Variants in PAX8 observed in about 807,000 individuals in gnomAD.
PAX8 encodes the protein paired box protein Pax-8.
PAX8 carries 15 observed loss-of-function variants against 52.4 expected under a neutral mutation model. That is an observed-to-expected ratio of 0.29 (90% CI 0.19 to 0.44). The LOEUF is 0.44. PAX8 is among the 20% of genes least tolerant of loss of function. The pLI is 1.00. For missense variants in PAX8, 554 were observed against 602.5 expected, an observed-to-expected ratio of 0.92 and a Z score of 0.84; for synonymous variants, 284 against 249.7, an observed-to-expected ratio of 1.14 and a Z score of -1.29.
chr2:113,217,756 G>A lies in PAX8; in HGVS notation c.*777C>T, dbSNP rs1573393028. The A allele has an allele frequency of 1.7e-5, 4 of 232,810 alleles. No individual in the cohort carries two copies. Among genetic ancestry groups the A allele is most frequent in the East Asian group, 6.0e-5 (1 of 16,546 alleles). The allele number at this position is 232,810 out of a possible 1,614,324, so 14.4% of individuals were successfully genotyped here. ...GCACACCACACCTCACCTCCCAGGG[G>A]CCCAGGCCCTGTGGAATGTCTGTTT... On this transcript the variant is annotated 3_prime_UTR_variant, in exon 12 of 12. Coordinates refer to ENST00000429538, the MANE Select transcript of PAX8 (RefSeq NM_003466.4).
intron 2 of PAX8, among the ~76,000 whole-genome samples, chr2:113,249,741 C>T (rs1400310439): frequency 1.3e-5 from 2 of 152,168 alleles, no homozygotes; most frequent in African/African-American, 4.8e-5. Flanking sequence ...GGGAAAGATG[C>T]ATTCACATTT....
chr2:113,234,088 T>C (rs906011788), intron 9 of PAX8, among the ~76,000 whole-genome samples: 2 of 152,240 alleles, frequency 1.3e-5, no homozygotes, highest in African/African-American at 4.8e-5. Context: ...ACAGTGCCGC[T>C]ATTAAAGAGA....
rs753079500 is a variant in PAX8, at chr2:113,218,492, G to A, written c.*41C>T. On this transcript the variant is annotated 3_prime_UTR_variant, in exon 12 of 12. Coordinates refer to ENST00000429538, the MANE Select transcript of PAX8 (RefSeq NM_003466.4). ...CTCTCTGGGGCCTGTCCCAGGCTGA[G>A]TCCTCCTGTTGCTCAGTCGCTCCCA... The A allele has an allele frequency of 6.4e-6, 8 of 1,246,602 alleles. No individual in the cohort carries two copies. Among genetic ancestry groups the A allele is most frequent in the Admixed American group, 2.4e-5 (1 of 41,180 alleles). The allele number at this position is 1,246,602 out of a possible 1,614,324, so 77.2% of individuals were successfully genotyped here. A position where few individuals can be genotyped will look rare whatever the true frequency, so the allele number is the denominator to read the frequency against.
At chr2:113,226,452 C>T (rs759802174) in intron 10 of PAX8, 18 of 988,092 alleles carry the variant, frequency 1.8e-5, no homozygotes, top group Non-Finnish European at 2.2e-5. Flanking sequence ...TTTGTCCAGA[C>T]CTTGTCATCT....
rs184556150 is a variant in PAX8 at position 113,225,114 on chromosome 2, A to C, written c.1189+2041T>G. On this transcript the variant is annotated intron_variant, in intron 10 of 11. Coordinates refer to ENST00000429538, the MANE Select transcript of PAX8 (RefSeq NM_003466.4). ...TTGCTTCAGTTTCCTTATCCATAAA[A>C]CTGGGATAGTATTAGCCTCTTAGTC... is the stretch of plus-strand genomic sequence containing the variant. 2.9e-3 allele frequency among the ~76,000 whole-genome samples: 446 copies of C among 152,304 alleles called. 3 individuals are homozygous for C. Among genetic ancestry groups the C allele is most frequent in the Middle Eastern group, 0.02 (6 of 294 alleles).
At chr2:113,226,317 A>C in intron 10 of PAX8, 1 of 985,504 alleles carries the variant, frequency 1.0e-6, no homozygotes, top group South Asian at 4.7e-5. Context: ...TCTTTCCAGA[A>C]ACTCCAGGTC....
intron 7 of PAX8, chr2:113,239,707 A>G (rs1690657464): frequency 1.3e-5 from 2 of 152,218 alleles, no homozygotes; most frequent in South Asian, 4.1e-4. Flanking sequence ...GAGTGGTTGG[A>G]GAAGTTTAAT....
Position 113,235,404 on chromosome 2 carries a change from G to A in PAX8, c.1077C>T (p.Ala359=). ...ACCTCCCTGTCGTACCTGAGAGGAG[G>A]GCCTGGCCCGTGAACTGCCCGTACA... ...ASVYGQFTGQ[A]LLSGREMVGP... The change falls in exon 9 of 12, where the codon GCC becomes GCT. Residue 359 remains alanine, a synonymous_variant. Coordinates refer to ENST00000429538, the MANE Select transcript of PAX8 (RefSeq NM_003466.4). 1 of 1,583,106 alleles carries A rather than the reference G, an allele frequency of 6.3e-7. No individual in the cohort carries two copies. The highest frequency in any genetic ancestry group is 8.6e-7 in the Non-Finnish European group (1 of 1,164,694).
chr2:113,278,259 G>T (rs1693970977), intron 2 of PAX8, 111 bp downstream of exon 2: 1 of 891,154 alleles, frequency 1.1e-6, no homozygotes, highest in Non-Finnish European at 1.8e-6. Context: ...CCCCACGCGG[G>T]TGGGTCCCGC....
At chr2:113,234,624 G>A (rs4849182) in intron 9 of PAX8, among the ~76,000 whole-genome samples, 26,849 of 152,190 alleles carry the variant, frequency 0.18, 2,801 homozygotes, top group Non-Finnish European at 0.24. Flanking sequence ...GGGTTCAAGC[G>A]ATTCTCCTGC....
intron 2 of PAX8, among the ~76,000 whole-genome samples, chr2:113,262,019 AG>A (rs1306511382): frequency 1.3e-5 from 2 of 151,928 alleles, no homozygotes; most frequent in Non-Finnish European, 2.9e-5. Context: ...TAGTACAGAC[AG>A]GGTTTCGTCA....
chr2:113,229,281 GA>G (rs746348815), intron 9 of PAX8, among the ~76,000 whole-genome samples: 11 of 150,174 alleles, frequency 7.3e-5, no homozygotes, highest in African/African-American at 2.4e-4. Flanking sequence ...ATGCAAAATG[GA>G]AAAAAAAACA....
Position 113,223,982 on chromosome 2 carries a change from A to G in PAX8, c.1189+3173T>C, listed in dbSNP as rs74509398. ...GATGGATGGGTGAAAAGATGGATGG[A>G]AAGATGGACAGATAAAAGGATGTAT... On this transcript the variant is annotated intron_variant, in intron 10 of 11. Transcript: ENST00000429538. Among the ~76,000 whole-genome samples the G allele has an allele frequency of 1.3e-3, 202 of 152,302 alleles. 3 individuals are homozygous for G. The East Asian group carries it at 0.033, about 25-fold the overall frequency.
chr2:113,254,337 A>C (rs12990456), intron 2 of PAX8, among the ~76,000 whole-genome samples: 71,066 of 152,060 alleles, frequency 0.47, 17,157 homozygotes, highest in East Asian at 0.7. Context: ...AAATACAGAA[A>C]TAAATGTGTA....
At chr2:113,245,816 C>T (rs915339365) in intron 3 of PAX8, among the ~76,000 whole-genome samples, 19 of 152,312 alleles carry the variant, frequency 1.2e-4, no homozygotes, top group African/African-American at 4.6e-4. Context: ...CTCTCCCTAG[C>T]CCAGCAAAGG....
intron 2 of PAX8, among the ~76,000 whole-genome samples, chr2:113,264,229 G>C (rs1424706783): frequency 6.6e-6 from 1 of 152,148 alleles, no homozygotes; most frequent in Admixed American, 6.5e-5. Flanking sequence ...GCCCATTGCT[G>C]CTCAACCTGG....
chr2:113,278,529 G>C, intron 1 of PAX8, 60 bp from the exon 2 acceptor site: 1 of 1,374,928 alleles, frequency 7.3e-7, no homozygotes, highest in African/African-American at 1.4e-5. Flanking sequence ...GCATCCTCAG[G>C]CCCCCTCCCC....
At chr2:113,277,611 G>C (rs761222605) in intron 2 of PAX8, among the ~76,000 whole-genome samples, 7 of 152,192 alleles carry the variant, frequency 4.6e-5, no homozygotes, top group Non-Finnish European at 1.0e-4. Flanking sequence ...GCGCCGGGAC[G>C]GCTGCGCCCA....
intron 2 of PAX8, among the ~76,000 whole-genome samples, chr2:113,247,490 C>T (rs549627686): frequency 4.6e-5 from 7 of 152,034 alleles, no homozygotes; most frequent in African/African-American, 1.7e-4. Context: ...TGTCTGTGGA[C>T]TTCTGGCCTG....
Sources: gnomAD v4.1 joint callset for allele counts (sites outside exome capture counted in the v4.1 genomes callset) on GRCh38, gnomAD v4.1.1 for gene constraint, MANE v1.5 for transcripts, NCBI Gene and HGNC (gene_info 2026-07-23, HGNC 2026-07-21) for gene names.